ZNHIT6: variants seen among roughly 807,000 people sequenced by gnomAD.
ZNHIT6 encodes the protein box C/D snoRNA protein 1.
ZNHIT6 carries 45 observed loss-of-function variants against 57.2 expected under a neutral mutation model. The ratio of observed to expected loss-of-function variants is 0.79; its 90% CI spans 0.62 to 1.01. The LOEUF (loss-of-function observed/expected upper bound fraction) is 1.01, where lower values mean the gene tolerates loss of function less well. Among genes scored for constraint, ZNHIT6 ranks in the 50% least tolerant of loss-of-function variants. The pLI is 0.00. For synonymous variants in ZNHIT6, 188 were observed against 190.0 expected, an observed-to-expected ratio of 0.99 and a Z score of 0.09; for missense variants, 528 against 567.3, an observed-to-expected ratio of 0.93 and a Z score of 0.70.
In ZNHIT6 at chr1:85,708,211, C is replaced by T. The variant is rs866136301; in HGVS notation, c.74G>A (p.Ser25Asn). 5 of 1,614,052 alleles carry T rather than the reference C, an allele frequency of 3.1e-6. No homozygotes were observed. The highest frequency in any genetic ancestry group is 4.2e-6 in the Non-Finnish European group (5 of 1,179,942). Reference sequence around the variant, plus strand: ...TACTCCCTCCCTGCCAGGCTCTGGACTTAGCCGCACCCCCTCAGCTACGCT... The same window carrying T: ...TACTCCCTCCCTGCCAGGCTCTGGATTTAGCCGCACCCCCTCAGCTACGCT... ...LHSVAEGVRLSPEPGREGVRD... is the reference protein window; with the variant it reads ...LHSVAEGVRLNPEPGREGVRD... Residue 25 changes from serine (S) to asparagine (N), a missense_variant, in exon 1 of 10, where the codon AGT (serine) becomes AAT (asparagine). By Grantham distance (46) the Ser-to-Asn change is conservative. Transcript: ENST00000370574.
intron 4 of ZNHIT6, among the ~76,000 whole-genome samples, chr1:85,702,620 C>T (rs1356760697): frequency 1.3e-5 from 2 of 152,114 alleles, no homozygotes; most frequent in African/African-American, 2.4e-5. Flanking sequence ...TTGGCAATCA[C>T]GGGGGCTACC....
intron 5 of ZNHIT6, among the ~76,000 whole-genome samples, chr1:85,700,401 C>G (rs892972473): frequency 3.3e-5 from 5 of 152,110 alleles, no homozygotes; most frequent in Admixed American, 2.0e-4. Context: ...AAACTGATCA[C>G]AAATCTCTAT....
At position 85,708,374 on chromosome 1, in the gene ZNHIT6, C is replaced by T. The variant is rs1662760470; in HGVS notation, c.-90G>A. 2 of 1,475,008 alleles carry T rather than the reference C, an allele frequency of 1.4e-6. No individual in the cohort carries two copies. The highest frequency in any genetic ancestry group is 1.3e-5 in the South Asian group (1 of 74,226). The allele number at this position is 1,475,008 out of a possible 1,614,324, so 91.4% of individuals were successfully genotyped here. A position where few individuals can be genotyped will look rare whatever the true frequency, so the allele number is the denominator to read the frequency against. On this transcript the variant is annotated 5_prime_UTR_variant, in exon 1 of 10. Transcript: ENST00000370574. The stretch of plus-strand genomic sequence containing the variant: ...GAGGAATTACCGGTCGGAATACCTA[C>T]GGCGGCCCACGTGTGGAGCCAAGCA...
intron 4 of ZNHIT6, among the ~76,000 whole-genome samples, chr1:85,705,405 G>A (rs1267893568): frequency 5.3e-5 from 8 of 151,772 alleles, no homozygotes; most frequent in South Asian, 2.1e-4. Context: ...TTATAGAGAC[G>A]GGTTTTCACC....
At chr1:85,694,720 A>G (rs1223419132) in intron 5 of ZNHIT6, among the ~76,000 whole-genome samples, 1 of 152,220 alleles carries the variant, frequency 6.6e-6, no homozygotes, top group Admixed American at 6.5e-5. Context: ...TTGGCCTCTC[A>G]AAGTGCTGGG....
In ZNHIT6 at chr1:85,708,390, G is replaced by GAGCCAAGC; in HGVS notation, c.-114_-107dup. On this transcript the variant is annotated 5_prime_UTR_variant, in exon 1 of 10. Transcript: ENST00000370574. ...GAATACCTACGGCGGCCCACGTGTG[G>GAGCCAAGC]AGCCAAGCAGCCACAAACCCGGAAT... is the stretch of plus-strand genomic sequence containing the variant. 1 of 1,407,348 alleles carries GAGCCAAGC rather than the reference G, an allele frequency of 7.1e-7. No homozygotes were observed. Among genetic ancestry groups the GAGCCAAGC allele is most frequent in the Non-Finnish European group, 9.5e-7 (1 of 1,056,938 alleles). 87.2% of individuals were successfully genotyped at this position (1,407,348 alleles called of 1,614,324 possible). A position where few individuals can be genotyped will look rare whatever the true frequency, so the allele number is the denominator to read the frequency against.
chr1:85,708,306 T>C lies in ZNHIT6; in HGVS notation c.-22A>G, dbSNP rs372666625. On this transcript the variant is annotated 5_prime_UTR_variant, in exon 1 of 10. Coordinates refer to ENST00000370574, the MANE Select transcript of ZNHIT6 (RefSeq NM_017953.4). Reference sequence around the variant, plus strand: ...CCATCAACTCACGATCCTTGGCCTCTGCTGCCACTCTATCCTTCAATGTGG... The same window carrying C: ...CCATCAACTCACGATCCTTGGCCTCCGCTGCCACTCTATCCTTCAATGTGG... 5.1e-6 allele frequency: 8 copies of C among 1,574,454 alleles called. No homozygotes were observed. The African/African-American group carries it at 1.1e-4, about 21-fold the overall frequency.
chr1:85,698,232 A>C (rs1336786540), intron 5 of ZNHIT6, among the ~76,000 whole-genome samples: 1 of 152,132 alleles, frequency 6.6e-6, no homozygotes, highest in Non-Finnish European at 1.5e-5. Context: ...CACAGACTTC[A>C]CCTCACTTTG....
intron 5 of ZNHIT6, among the ~76,000 whole-genome samples, chr1:85,695,992 T>C (rs1662358189): frequency 6.6e-6 from 1 of 152,072 alleles, no homozygotes; most frequent in African/African-American, 2.4e-5. Context: ...GCTGAGATCG[T>C]GCCACTGCAC....
chr1:85,706,874 A>C (rs1319260091), intron 1 of ZNHIT6, among the ~76,000 whole-genome samples: 2 of 152,222 alleles, frequency 1.3e-5, no homozygotes, highest in African/African-American at 4.8e-5. Flanking sequence ...AGCTATGTTT[A>C]GATATTTTTA....
intron 8 of ZNHIT6, among the ~76,000 whole-genome samples, chr1:85,661,670 A>G (rs1661227727): frequency 6.6e-6 from 1 of 152,232 alleles, no homozygotes; most frequent in Admixed American, 6.5e-5. Flanking sequence ...ATCTTGAAGC[A>G]AGTTTTAAGA....
At chr1:85,689,773 G>T (rs1328722818) in intron 5 of ZNHIT6, among the ~76,000 whole-genome samples, 1 of 152,166 alleles carries the variant, frequency 6.6e-6, no homozygotes, top group African/African-American at 2.4e-5. Context: ...GTTGTTCCAA[G>T]ACTAGGGAGC....
intron 8 of ZNHIT6, among the ~76,000 whole-genome samples, chr1:85,670,275 T>C (rs933915021): frequency 6.6e-6 from 1 of 152,294 alleles, no homozygotes; most frequent in Admixed American, 6.5e-5. Flanking sequence ...TGGTCTATAG[T>C]TGCTTACGTG....
intron 4 of ZNHIT6, 40 bp downstream of exon 4, chr1:85,706,038 G>T: frequency 9.3e-6 from 13 of 1,395,784 alleles, no homozygotes; most frequent in African/African-American, 1.5e-5. Context: ...TAATTGATTT[G>T]AAGGACTTCT....
chr1:85,680,357 G>A (rs561222299), intron 6 of ZNHIT6, among the ~76,000 whole-genome samples: 1 of 152,164 alleles, frequency 6.6e-6, no homozygotes, highest in Non-Finnish European at 1.5e-5. Flanking sequence ...GTTAATAGTA[G>A]TAATCTTTGC....
At position 85,677,279 on chromosome 1, in the gene ZNHIT6, GA is replaced by G. The variant is rs1256149506; in HGVS notation, c.1203del (p.Gln402ArgfsTer3). 1.2e-6 allele frequency: 2 copies of G among 1,608,954 alleles called. No homozygotes were observed. Among genetic ancestry groups the G allele is most frequent in the Admixed American group, 3.4e-5 (2 of 58,992 alleles). ...ATATATTCAATCTTCATTAAAATCTGAACCCCAGTCTGAGAGCGAATGTAGG... is the reference window on the plus strand; with the variant it reads ...ATATATTCAATCTTCATTAAAATCTGACCCCAGTCTGAGAGCGAATGTAGG... ...LKAYIRSQTGVQILMKIEYMQ... is the reference protein window; with the variant it reads ...LKAYIRSQTGXQILMKIEYMQ... On this transcript the variant is annotated frameshift_variant, in exon 8 of 10. Coordinates refer to ENST00000370574, the MANE Select transcript of ZNHIT6 (RefSeq NM_017953.4). LOFTEE classifies it high-confidence loss of function.
Position 85,667,961 on chromosome 1 carries a change from A to AAAAAAAAAAAAAAATGT in ZNHIT6, c.1247+9274_1247+9275insACATTTTTTTTTTTTTT. On this transcript the variant is annotated intron_variant, in intron 8 of 9. Transcript: ENST00000370574. ...ACTCTCTCTTTCAAAAAAAAAAAAA[A>AAAAAAAAAAAAAAATGT]ATATATATATATATATATATATATG... 3.3e-4 allele frequency among the ~76,000 whole-genome samples: 6 copies of AAAAAAAAAAAAAAATGT among 18,202 alleles called. 2 individuals carry two copies. In the East Asian group the frequency reaches 6.9e-3, roughly 21 times the overall value. The allele number at this position is 18,202 out of a possible 152,430, so 11.9% of individuals were successfully genotyped here.
chr1:85,706,143 C>T lies in ZNHIT6; in HGVS notation c.850G>A (p.Val284Met). 6.2e-7 allele frequency: 1 copy of T among 1,613,898 alleles called. No homozygotes were observed. Among genetic ancestry groups the T allele is most frequent in the Non-Finnish European group, 8.5e-7 (1 of 1,179,894 alleles). The change falls in exon 4 of 10, where the codon GTG (valine) becomes ATG (methionine). Residue 284 changes from valine (V) to methionine (M), a missense_variant. By Grantham distance (21) the Val-to-Met change is conservative (BLOSUM62 1). Transcript: ENST00000370574. ...GAAATATGGTCCGCTGTTCTTGCCA[C>T]ATCTTCCAAAAATCGATAATCTAAA... ...LLSDYRFLED[V>M]ARTADHISRD...
At position 85,696,175 on chromosome 1, in the gene ZNHIT6, A is replaced by AT. The variant is rs11327941; in HGVS notation, c.1019+5981dup. 2.9e-3 allele frequency among the ~76,000 whole-genome samples: 419 copies of AT among 143,732 alleles called. 2 individuals carry two copies. The highest frequency in any genetic ancestry group is 6.5e-3 in the African/African-American group (251 of 38,838). The allele number at this position is 143,732 out of a possible 152,430, so 94.3% of individuals were successfully genotyped here. ...AAATAATCGCTAATTTATTAACTGCATTTTTTTTTTTTTTTTAGAGACAGG... is the reference window on the plus strand; with the variant it reads ...AAATAATCGCTAATTTATTAACTGCATTTTTTTTTTTTTTTTTAGAGACAGG... On this transcript the variant is annotated intron_variant, in intron 5 of 9. Transcript: ENST00000370574.
Sources: allele counts gnomAD v4.1 joint callset (sites outside exome capture counted in the v4.1 genomes callset), GRCh38; gene constraint gnomAD v4.1.1; transcripts MANE v1.5; gene names NCBI Gene and HGNC (gene_info 2026-07-23, HGNC 2026-07-21).